The following AGAP1 variants were observed in gnomAD, a reference collection of about 807,000 sequenced individuals.
AGAP1 encodes ArfGAP with GTPase domain, ankyrin repeat and PH domain 1, also known as arf-GAP with GTPase, ANK repeat and PH domain-containing protein 1.
A neutral mutation model predicts 105.3 loss-of-function variants in AGAP1; 29 were observed. The observed-to-expected ratio is 0.28, with a 90% CI of 0.21 to 0.38. AGAP1 has a LOEUF of 0.38. Among genes scored for constraint, AGAP1 ranks in the 10% least tolerant of loss-of-function variants. The pLI, the probability that AGAP1 is intolerant of heterozygous loss-of-function variation, is 1.00. For synonymous variants in AGAP1, 509 were observed against 485.9 expected, an observed-to-expected ratio of 1.05 and a Z score of -0.63; for missense variants, 998 against 1,165.1, an observed-to-expected ratio of 0.86 and a Z score of 2.09.
chr2:235,548,885 G>C lies in AGAP1; in HGVS notation c.163+54036G>C, dbSNP rs559252944. Among the ~76,000 whole-genome samples, 5 of 152,280 alleles carry C rather than the reference G, an allele frequency of 3.3e-5. No individual in the cohort carries two copies. In the South Asian group the frequency reaches 1.0e-3, roughly 32 times the overall value. On this transcript the variant is annotated intron_variant, in intron 1 of 17. Transcript: ENST00000304032. ...CACTGCCCCGTTTTTGAACATAAAG[G>C]GTTATTGGAACACAGCCATAGCCTT...
chr2:235,740,902 C>A lies in AGAP1; in HGVS notation c.311-61C>A. 1 of 1,605,520 alleles carries A rather than the reference C, an allele frequency of 6.2e-7. No homozygotes were observed. Reference sequence around the variant, plus strand: ...ATTTTTCCACAAGCGAAGCCCACGTCTGTCTGCCCTCCTCACTCTCTGTTG... The same window carrying A: ...ATTTTTCCACAAGCGAAGCCCACGTATGTCTGCCCTCCTCACTCTCTGTTG... On this transcript the variant is annotated intron_variant, in intron 3 of 17. Coordinates refer to ENST00000304032, the MANE Select transcript of AGAP1 (RefSeq NM_001037131.3). This position sits in a 1 kb window ranked among gnomAD's most constrained non-coding sequence, Gnocchi z 5.7.
At chr2:235,785,561 T>C (rs1468640835) in intron 6 of AGAP1, among the ~76,000 whole-genome samples, 1 of 152,168 alleles carries the variant, frequency 6.6e-6, no homozygotes, top group Non-Finnish European at 1.5e-5. Context: ...TTTGTGTAGT[T>C]TCTTACCTGG....
intron 9 of AGAP1, among the ~76,000 whole-genome samples, chr2:235,863,713 A>G (rs1256529221): frequency 1.3e-5 from 2 of 152,354 alleles, no homozygotes; most frequent in Middle Eastern, 3.4e-3. Context: ...AGGCAGCAGC[A>G]TGGGAGAAAG....
chr2:235,898,939 A>G (rs2050934076), intron 10 of AGAP1, among the ~76,000 whole-genome samples: 2 of 152,208 alleles, frequency 1.3e-5, no homozygotes, highest in African/African-American at 4.8e-5. Context: ...ATTCATTTGA[A>G]TGGAATCTAA....
chr2:235,607,851 A>G (rs1426650069), intron 1 of AGAP1, among the ~76,000 whole-genome samples: 1 of 152,200 alleles, frequency 6.6e-6, no homozygotes, highest in East Asian at 1.9e-4. Context: ...TTGAGGTTTA[A>G]TAGTATTTTA....
intron 10 of AGAP1, among the ~76,000 whole-genome samples, chr2:235,890,162 C>CCTTTTTT (rs2050465865): frequency 7.5e-6 from 1 of 132,470 alleles, no homozygotes; most frequent in African/African-American, 2.8e-5. Context: ...TAGTTATTCC[C>CCTTTTTT]TTTTTTTTTT....
At position 235,678,062 on chromosome 2, in the gene AGAP1, C is replaced by T. The variant is rs540809522; in HGVS notation, c.164-31117C>T. 9.9e-5 allele frequency among the ~76,000 whole-genome samples: 15 copies of T among 151,748 alleles called. No homozygotes were observed. In the East Asian group the frequency reaches 2.7e-3, roughly 28 times the overall value. ...ACAGTAAGTGCTGCCGCCTCAGGAG[C>T]GGGCGCAGTCGCTTATGGTGCCGGT... On this transcript the variant is annotated intron_variant, in intron 1 of 17. Transcript: ENST00000304032.
At chr2:235,820,701 C>T (rs1343685530) in intron 9 of AGAP1, among the ~76,000 whole-genome samples, 1 of 152,066 alleles carries the variant, frequency 6.6e-6, no homozygotes, top group Non-Finnish European at 1.5e-5. Context: ...ATATATAAAA[C>T]AGCTACACAG....
At chr2:235,674,657 T>C (rs1028029172) in intron 1 of AGAP1, among the ~76,000 whole-genome samples, 22 of 152,160 alleles carry the variant, frequency 1.4e-4, no homozygotes, top group African/African-American at 5.3e-4. Flanking sequence ...TCTGATTCCC[T>C]TGATTTGTAT....
At chr2:235,628,562 T>C (rs1409281735) in intron 1 of AGAP1, among the ~76,000 whole-genome samples, 1 of 151,662 alleles carries the variant, frequency 6.6e-6, no homozygotes, top group Non-Finnish European at 1.5e-5. Flanking sequence ...TGGGGGAAGA[T>C]GGAGACAAGA....
Position 235,936,162 on chromosome 2 carries a change from A to G in AGAP1, c.1483+5239A>G, listed in dbSNP as rs2052978104. On this transcript the variant is annotated intron_variant, in intron 12 of 17. Coordinates refer to ENST00000304032, the MANE Select transcript of AGAP1 (RefSeq NM_001037131.3). The surrounding 1 kb of genome is among the most constrained non-coding windows in gnomAD (Gnocchi z 4.7). ...ACGCTGACTGGCCATCACTGTTAAT[A>G]CTGCATTTCTTCACGTGACTCTTCC... Among the ~76,000 whole-genome samples, 2 of 152,148 alleles carry G rather than the reference A, an allele frequency of 1.3e-5. No homozygotes were observed. Among genetic ancestry groups the G allele is most frequent in the Non-Finnish European group, 1.5e-5 (1 of 68,036 alleles).
At chr2:235,505,881 A>C (rs1941782390) in intron 1 of AGAP1, 1 of 148,736 alleles carries the variant, frequency 6.7e-6, no homozygotes, top group African/African-American at 2.5e-5. Context: ...TCTACTACTG[A>C]TTATGGATCC....
At chr2:235,945,527 A>G (rs562509253) in intron 12 of AGAP1, among the ~76,000 whole-genome samples, 1 of 152,154 alleles carries the variant, frequency 6.6e-6, no homozygotes, top group Non-Finnish European at 1.5e-5. Context: ...CTTCTAACAT[A>G]TGGGTTAACT....
intron 9 of AGAP1, chr2:235,852,579 G>A: frequency 1.8e-6 from 2 of 1,082,416 alleles, no homozygotes; most frequent in Non-Finnish European, 2.5e-6. Context: ...AATGAATAGA[G>A]ACTGCTGAAG....
rs765532089 is a variant in AGAP1 at position 235,905,791 on chromosome 2, G to A, written c.1156-2947G>A. Among the ~76,000 whole-genome samples the A allele has an allele frequency of 3.3e-5, 5 of 152,170 alleles. No homozygotes were observed. The highest frequency in any genetic ancestry group is 6.5e-5 in the Admixed American group (1 of 15,284). ...TGGGATTACAGGCGTGAGCCACCGC[G>A]CCCCGCCTGATGTGCTTTTCATTTG... On this transcript the variant is annotated intron_variant, in intron 10 of 17. Transcript: ENST00000304032. The surrounding 1 kb of genome is among the most constrained non-coding windows in gnomAD (Gnocchi z 4.2).
At position 235,551,809 on chromosome 2, in the gene AGAP1, G is replaced by A. The variant is rs957540542; in HGVS notation, c.163+56960G>A. 3.3e-5 allele frequency among the ~76,000 whole-genome samples: 5 copies of A among 152,160 alleles called. No individual in the cohort carries two copies. Among genetic ancestry groups the A allele is most frequent in the East Asian group, 3.9e-4 (2 of 5,190 alleles). ...ACCTTGACTGGTAGATCCTGAAGGC[G>A]TAGAAAGAGGGTCCTCTGGAGAACA... On this transcript the variant is annotated intron_variant, in intron 1 of 17. Transcript: ENST00000304032. The surrounding 1 kb of genome is among the most constrained non-coding windows in gnomAD (Gnocchi z 4.8).
chr2:235,696,561 G>C (rs1167397999), intron 1 of AGAP1, among the ~76,000 whole-genome samples: 1 of 152,180 alleles, frequency 6.6e-6, no homozygotes, highest in East Asian at 1.9e-4. Context: ...GGTCCGTGTG[G>C]GTCAGCCGGC....
At position 235,893,503 on chromosome 2, in the gene AGAP1, G is replaced by A. The variant is rs536300444; in HGVS notation, c.1155+10054G>A. Reference sequence around the variant, plus strand: ...CATAAGGGTGAGCCATGTTTGTGGCGTGGGTGTGGCATGTCCACGAGGGTG... The same window carrying A: ...CATAAGGGTGAGCCATGTTTGTGGCATGGGTGTGGCATGTCCACGAGGGTG... On this transcript the variant is annotated intron_variant, in intron 10 of 17. Coordinates refer to ENST00000304032, the MANE Select transcript of AGAP1 (RefSeq NM_001037131.3). This position sits in a 1 kb window ranked among gnomAD's most constrained non-coding sequence, Gnocchi z 4.7. Among the ~76,000 whole-genome samples the A allele has an allele frequency of 4.9e-4, 75 of 151,546 alleles. No individual in the cohort carries two copies. The highest frequency in any genetic ancestry group is 1.6e-3 in the African/African-American group (68 of 41,346).
chr2:235,589,852 G>C (rs1012372677), intron 1 of AGAP1, among the ~76,000 whole-genome samples: 2 of 151,924 alleles, frequency 1.3e-5, no homozygotes, highest in African/African-American at 4.8e-5. Flanking sequence ...TCACCTCTTA[G>C]GAAAGGGTTT....
Sources: gnomAD v4.1 joint callset for allele counts (sites outside exome capture counted in the v4.1 genomes callset) on GRCh38, gnomAD v4.1.1 for gene constraint, Gnocchi (gnomAD v3.1) non-coding constraint, MANE v1.5 for transcripts, NCBI Gene and HGNC (gene_info 2026-07-23, HGNC 2026-07-21) for gene names.